The following MYO3A variants were observed in gnomAD, a reference collection of about 807,000 sequenced individuals.
The protein encoded by MYO3A is myosin IIIA.
Under a neutral mutation model 192.7 loss-of-function variants are expected in MYO3A, and 180 were observed. The ratio of observed to expected loss-of-function variants is 0.93; its 90% CI spans 0.83 to 1.06. The LOEUF (loss-of-function observed/expected upper bound fraction) is 1.06, where lower values mean the gene tolerates loss of function less well. MYO3A is among the 50% of genes least tolerant of loss of function. MYO3A has a pLI of 0.00. For synonymous variants in MYO3A, 628 were observed against 645.3 expected (o/e 0.97, Z 0.41); for missense variants, 1,896 against 1,905.0 (o/e 1.00, Z 0.09).
At chr10:26,018,150 G>A (rs1842085154) in intron 7 of MYO3A, among the ~76,000 whole-genome samples, 1 of 151,728 alleles carries the variant, frequency 6.6e-6, no homozygotes, top group South Asian at 2.1e-4. Flanking sequence ...TTTTTCTGAT[G>A]TCAGTTTTAT....
chr10:25,993,522 C>G (rs12778989), intron 4 of MYO3A, among the ~76,000 whole-genome samples: 47,294 of 151,972 alleles, frequency 0.31, 7,886 homozygotes, highest in Middle Eastern at 0.45. Context: ...TTCAGTTCTG[C>G]TCTGATCTTA....
chr10:26,103,984 C>T (rs1837632629), intron 17 of MYO3A, among the ~76,000 whole-genome samples: 1 of 151,886 alleles, frequency 6.6e-6, no homozygotes, highest in Non-Finnish European at 1.5e-5. Context: ...TCATCTGTGG[C>T]TCTTTTTTGG....
In MYO3A at chr10:26,205,481, G is replaced by GT. The variant is rs1423061599; in HGVS notation, c.4730+2374_4730+2375insT. 4.6e-4 allele frequency among the ~76,000 whole-genome samples: 64 copies of GT among 138,232 alleles called. 2 individuals are homozygous for GT. The highest frequency in any genetic ancestry group is 1.7e-3 in the African/African-American group (63 of 37,290). The allele number at this position is 138,232 out of a possible 152,430, so 90.7% of individuals were successfully genotyped here. A position where few individuals can be genotyped will look rare whatever the true frequency, so the allele number is the denominator to read the frequency against. ...TGCTTGTCTTTTTTTTTTTTTTTTG[G>GT]GGGGGGGCTTCCATGTATAAGTGAG... is the stretch of plus-strand genomic sequence containing the variant. On this transcript the variant is annotated intron_variant, in intron 34 of 34. Transcript: ENST00000642920.
chr10:26,123,648 C>A (rs1588996115), intron 18 of MYO3A, among the ~76,000 whole-genome samples: 2 of 152,256 alleles, frequency 1.3e-5, no homozygotes, highest in East Asian at 3.9e-4. Flanking sequence ...AACTTTCAGC[C>A]AGGCCCAGTG....
At position 26,153,903 on chromosome 10, in the gene MYO3A, T is replaced by G. The variant is rs1170545204; in HGVS notation, c.2689T>G (p.Ser897Ala). ...TGTTATAAACTATCAAATGAGGACT[T>G]CAGAAAAATTAATCAACCTGGCAAA... ...KNVINYQMRT[S>A]EKLINLAKGD... Residue 897 changes from serine to alanine, a missense_variant, in exon 24 of 35, where the codon TCA (serine) becomes GCA (alanine). Physicochemically the swap from Ser to Ala is moderately conservative, Grantham distance 99 (BLOSUM62 1). Transcript: ENST00000642920. 6.3e-7 allele frequency: 1 copy of G among 1,595,004 alleles called. No homozygotes were observed. The highest frequency in any genetic ancestry group is 8.6e-7 in the Non-Finnish European group (1 of 1,163,032).
intron 10 of MYO3A, among the ~76,000 whole-genome samples, chr10:26,055,898 A>G (rs1844286679): frequency 6.6e-6 from 1 of 152,202 alleles, no homozygotes; most frequent in African/African-American, 2.4e-5. Flanking sequence ...ATGAATTAAC[A>G]CCTATTTATT....
At position 26,176,010 on chromosome 10, in the gene MYO3A, G is replaced by A. The variant is rs1390949416; in HGVS notation, c.4294-691G>A. 3.9e-5 allele frequency among the ~76,000 whole-genome samples: 6 copies of A among 152,252 alleles called. 1 individual carries two copies. In the Middle Eastern group the frequency reaches 0.01, roughly 259 times the overall value. On this transcript the variant is annotated intron_variant, in intron 30 of 34. Coordinates refer to ENST00000642920, the MANE Select transcript of MYO3A (RefSeq NM_017433.5). ...TGAAATCAGGGTAAAAGACTGGAAA[G>A]AAGGCCGGGCGCGGTGGCTCAAGCC... is the stretch of plus-strand genomic sequence containing the variant.
chr10:26,154,883 C>A (rs1841022305), intron 25 of MYO3A, 60 bp downstream of exon 25: 9 of 1,406,998 alleles, frequency 6.4e-6, no homozygotes, highest in Non-Finnish European at 7.9e-6. Context: ...AAATGAGTTA[C>A]AGATCAAAAG....
chr10:25,977,339 T>G (rs1839019941), intron 4 of MYO3A, among the ~76,000 whole-genome samples: 1 of 152,170 alleles, frequency 6.6e-6, no homozygotes, highest in African/African-American at 2.4e-5. Flanking sequence ...TGATCCTACT[T>G]TGGTAACAGA....
chr10:25,967,936 T>C (rs2130706372), intron 4 of MYO3A, among the ~76,000 whole-genome samples: 1 of 152,184 alleles, frequency 6.6e-6, no homozygotes, highest in East Asian at 1.9e-4. Context: ...GAAAAGTCTC[T>C]GTGACCTATG....
chr10:26,094,987 T>C (rs1327147780), intron 15 of MYO3A, among the ~76,000 whole-genome samples: 1 of 152,146 alleles, frequency 6.6e-6, no homozygotes, highest in Non-Finnish European at 1.5e-5. Flanking sequence ...AAGTATTTCA[T>C]TGGCCCCCTA....
intron 10 of MYO3A, among the ~76,000 whole-genome samples, chr10:26,028,834 T>C (rs1351626705): frequency 1.3e-5 from 2 of 152,116 alleles, no homozygotes; most frequent in African/African-American, 2.4e-5. Context: ...GTGGAATAGG[T>C]GGATGTTGTG....
intron 2 of MYO3A, among the ~76,000 whole-genome samples, chr10:25,937,181 A>G (rs1836138025): frequency 6.6e-6 from 1 of 152,210 alleles, no homozygotes; most frequent in Non-Finnish European, 1.5e-5. Flanking sequence ...CAGGCAAGAC[A>G]GCTCTTGCAA....
intron 10 of MYO3A, among the ~76,000 whole-genome samples, chr10:26,047,223 A>G (rs1843679922): frequency 6.6e-6 from 1 of 152,196 alleles, no homozygotes. Context: ...GTGTACTTAA[A>G]TACAAAGAAA....
At chr10:25,962,945 T>C (rs1376439191) in intron 4 of MYO3A, among the ~76,000 whole-genome samples, 1 of 152,224 alleles carries the variant, frequency 6.6e-6, no homozygotes, top group Non-Finnish European at 1.5e-5. Flanking sequence ...TCTCAGGAGC[T>C]GTTTGCTTAG....
chr10:25,937,258 C>T (rs1457485873), intron 2 of MYO3A, among the ~76,000 whole-genome samples: 1 of 152,222 alleles, frequency 6.6e-6, no homozygotes, highest in Non-Finnish European at 1.5e-5. Context: ...CACTTTGCCA[C>T]ATTGCTGCCA....
intron 31 of MYO3A, among the ~76,000 whole-genome samples, chr10:26,182,186 C>T (rs1842646373): frequency 6.6e-6 from 1 of 152,176 alleles, no homozygotes; most frequent in South Asian, 2.1e-4. Flanking sequence ...CGGATACTCT[C>T]CATCCCTCGC....
intron 4 of MYO3A, 47 bp from the exon 5 acceptor site, chr10:25,996,443 A>T: frequency 6.6e-7 from 1 of 1,514,976 alleles, no homozygotes; most frequent in Non-Finnish European, 9.2e-7. Flanking sequence ...GAAAGAACAT[A>T]AAATGTCACA....
chr10:26,169,447 C>T (rs1841933388), intron 28 of MYO3A, among the ~76,000 whole-genome samples: 1 of 151,620 alleles, frequency 6.6e-6, no homozygotes, highest in East Asian at 1.9e-4. Flanking sequence ...ATTTTTTTGA[C>T]TGGATACTTA....
Sources: allele counts gnomAD v4.1 joint callset (sites outside exome capture counted in the v4.1 genomes callset), GRCh38; gene constraint gnomAD v4.1.1; transcripts MANE v1.5; gene names NCBI Gene and HGNC (gene_info 2026-07-23, HGNC 2026-07-21).